ADGRA2: variants seen among roughly 807,000 people sequenced by gnomAD.
The protein encoded by ADGRA2 is adhesion G protein-coupled receptor A2.
In ADGRA2, 61 loss-of-function variants were observed where a neutral mutation model predicts 98.7. The observed-to-expected ratio is 0.62, with a 90% CI of 0.50 to 0.76. The LOEUF (loss-of-function observed/expected upper bound fraction) is 0.76. ADGRA2 is among the 30% of genes least tolerant of loss of function. ADGRA2 has a pLI of 0.00. For synonymous variants in ADGRA2, 858 were observed against 831.5 expected (o/e 1.03, Z -0.55); for missense variants, 1,712 against 1,860.0 (o/e 0.92, Z 1.46).
chr8:37,833,935 C>G, intron 10 of ADGRA2, 32 bp from the exon 11 acceptor site: 1 of 1,607,598 alleles, frequency 6.2e-7, no homozygotes, highest in Non-Finnish European at 8.5e-7. Context: ...CAAACCCCGC[C>G]CCTGCCCTCA....
In ADGRA2 at chr8:37,841,732, G is replaced by A; in HGVS notation, c.3394G>A (p.Gly1132Ser). ...CAGCAGCGGCCATCCGCTGGCTCTGGGCCCCTGCAAGCTCACCAACCTGCA... is the reference window on the plus strand; with the variant it reads ...CAGCAGCGGCCATCCGCTGGCTCTGAGCCCCTGCAAGCTCACCAACCTGCA... ...SGSSGHPLAL[G>S]PCKLTNLQLA... Residue 1132 changes from glycine to serine, a missense_variant, in exon 19 of 19, where the codon GGC becomes AGC. By Grantham distance (56) the Gly-to-Ser change is moderately conservative. Transcript: ENST00000412232. This position sits in a 1 kb window ranked among gnomAD's most constrained non-coding sequence, Gnocchi z 5.0. The A allele has an allele frequency of 6.5e-7, 1 of 1,542,282 alleles. No homozygotes were observed. The highest frequency in any genetic ancestry group is 1.2e-5 in the South Asian group (1 of 83,734).
rs1175806640 is a variant in ADGRA2 at position 37,841,645 on chromosome 8, G to A, written c.3307G>A (p.Ala1103Thr). 2 of 1,525,268 alleles carry A rather than the reference G, an allele frequency of 1.3e-6. No individual in the cohort carries two copies. Among genetic ancestry groups the A allele is most frequent in the Admixed American group, 2.1e-5 (1 of 46,994 alleles). 94.5% of individuals were successfully genotyped at this position (1,525,268 alleles called of 1,614,324 possible). ...HAPPRALPAAAEDGSPVFGEG... is the reference protein window; with the variant it reads ...HAPPRALPAATEDGSPVFGEG... ...CCCGCCCCGGGCCCTGCCCGCCGCC[G>A]CAGAGGACGGTTCCCCGGTGTTCGG... Residue 1103 changes from alanine to threonine, a missense_variant, in exon 19 of 19, where the codon GCA becomes ACA. Transcript: ENST00000412232. The surrounding 1 kb of genome is among the most constrained non-coding windows in gnomAD (Gnocchi z 5.0).
intron 1 of ADGRA2, among the ~76,000 whole-genome samples, chr8:37,800,492 A>G (rs1429291412): frequency 1.3e-5 from 2 of 152,170 alleles, no homozygotes; most frequent in Non-Finnish European, 2.9e-5. Context: ...AGGTATTAAG[A>G]CCATTGCCTT....
Position 37,842,471 on chromosome 8 carries a change from G to A in ADGRA2, c.*116G>A, listed in dbSNP as rs1483158681. 2.9e-6 allele frequency: 4 copies of A among 1,366,298 alleles called. No individual in the cohort carries two copies. Among genetic ancestry groups the A allele is most frequent in the Non-Finnish European group, 3.8e-6 (4 of 1,058,096 alleles). The allele number at this position is 1,366,298 out of a possible 1,614,324, so 84.6% of individuals were successfully genotyped here. A position where few individuals can be genotyped will look rare whatever the true frequency, so the allele number is the denominator to read the frequency against. On this transcript the variant is annotated 3_prime_UTR_variant, in exon 19 of 19. Transcript: ENST00000412232. The stretch of plus-strand genomic sequence containing the variant: ...TTGGAGGCAGAGGAGCCGATGGCTG[G>A]AGGAAGCCCACAGGCGGATGTTCCC...
rs752608565 is a variant in ADGRA2, at chr8:37,839,106, G to A, written c.2387+23G>A. 6 of 1,606,056 alleles carry A rather than the reference G, an allele frequency of 3.7e-6. No homozygotes were observed. In the Admixed American group the frequency reaches 1.0e-4, roughly 27 times the overall value. On this transcript the variant is annotated intron_variant, in intron 15 of 18. Coordinates refer to ENST00000412232, the MANE Select transcript of ADGRA2 (RefSeq NM_032777.10). ...CAGGTGGGTGCTCCTGCAGGAGGGA[G>A]GGCGTGGTGGGCAGGCATGGAAGGG...
chr8:37,831,006 GCC>G, intron 7 of ADGRA2, 83 bp downstream of exon 7: 1 of 974,246 alleles, frequency 1.0e-6, no homozygotes, highest in Non-Finnish European at 1.6e-6. Flanking sequence ...CAAAAGAGCT[GCC>G]CCCAGATGTG....
chr8:37,814,252 C>G lies in ADGRA2; in HGVS notation c.267-644C>G, dbSNP rs534850905. Among the ~76,000 whole-genome samples the G allele has an allele frequency of 6.6e-6, 1 of 152,232 alleles. No individual in the cohort carries two copies. Among genetic ancestry groups the G allele is most frequent in the East Asian group, 1.9e-4 (1 of 5,170 alleles). ...ACAAACGAATAAATAAACAGAACCCCGAGGCGCAGAGGCTGAGGCTGAGGC... is the reference window on the plus strand; with the variant it reads ...ACAAACGAATAAATAAACAGAACCCGGAGGCGCAGAGGCTGAGGCTGAGGC... On this transcript the variant is annotated intron_variant, in intron 1 of 18. Transcript: ENST00000412232. This position sits in a 1 kb window ranked among gnomAD's most constrained non-coding sequence, Gnocchi z 4.3.
At chr8:37,840,367 A>G (rs1312857010) in intron 17 of ADGRA2, 101 bp downstream of exon 17, 3 of 1,286,304 alleles carry the variant, frequency 2.3e-6, no homozygotes, top group Non-Finnish European at 3.3e-6. Flanking sequence ...GGTCCCTGGG[A>G]GATCACTCTC....
chr8:37,815,580 TG>T (rs1268227324), intron 2 of ADGRA2, among the ~76,000 whole-genome samples: 10 of 152,088 alleles, frequency 6.6e-5, no homozygotes, highest in South Asian at 4.1e-4. Flanking sequence ...CTGCATCTGG[TG>T]GGGCCAGTGT....
intron 1 of ADGRA2, among the ~76,000 whole-genome samples, chr8:37,804,118 C>CACACACACACACACACACAT (rs1804585383): frequency 2.7e-5 from 4 of 147,740 alleles, no homozygotes; most frequent in Middle Eastern, 3.5e-3. Flanking sequence ...CACACACACA[C>CACACACACACACACACACAT]ACACACACAC....
At position 37,804,151 on chromosome 8, in the gene ADGRA2, A is replaced by ACACACACG. The variant is rs1554522482; in HGVS notation, c.266+6618_266+6619insACACACGC. ...CACACACACACACACACACACACAC[A>ACACACACG]CGGCTCTTAGCCAGGCAGCTCTAAC... On this transcript the variant is annotated intron_variant, in intron 1 of 18. Coordinates refer to ENST00000412232, the MANE Select transcript of ADGRA2 (RefSeq NM_032777.10). Among the ~76,000 whole-genome samples, 6 of 148,488 alleles carry ACACACACG rather than the reference A, an allele frequency of 4.0e-5. No homozygotes were observed. The South Asian group carries it at 6.4e-4, about 16-fold the overall frequency.
chr8:37,841,654 G>C lies in ADGRA2; in HGVS notation c.3316G>C (p.Gly1106Arg), dbSNP rs779131291. ...PRALPAAAED[G>R]SPVFGEGPPS... Reference sequence around the variant, plus strand: ...GGCCCTGCCCGCCGCCGCAGAGGACGGTTCCCCGGTGTTCGGGGAGGGCCC... The same window carrying C: ...GGCCCTGCCCGCCGCCGCAGAGGACCGTTCCCCGGTGTTCGGGGAGGGCCC... The change falls in exon 19 of 19, where the codon GGT becomes CGT. Residue 1106 changes from glycine (G) to arginine (R), a missense_variant. Transcript: ENST00000412232. This position sits in a 1 kb window ranked among gnomAD's most constrained non-coding sequence, Gnocchi z 5.0. 2 of 1,525,008 alleles carry C rather than the reference G, an allele frequency of 1.3e-6. No individual in the cohort carries two copies. Among genetic ancestry groups the C allele is most frequent in the Admixed American group, 2.1e-5 (1 of 46,772 alleles). 94.5% of individuals were successfully genotyped at this position (1,525,008 alleles called of 1,614,324 possible).
chr8:37,842,117 C>T lies in ADGRA2; in HGVS notation c.3779C>T (p.Ala1260Val). 15 of 1,497,908 alleles carry T rather than the reference C, an allele frequency of 1.0e-5. No individual in the cohort carries two copies. The highest frequency in any genetic ancestry group is 1.3e-5 in the Non-Finnish European group (15 of 1,131,900). The allele number at this position is 1,497,908 out of a possible 1,614,324, so 92.8% of individuals were successfully genotyped here. A position where few individuals can be genotyped will look rare whatever the true frequency, so the allele number is the denominator to read the frequency against. The change falls in exon 19 of 19, where the codon GCC becomes GTC. Residue 1260 changes from alanine (A) to valine (V), a missense_variant. Ala to Val is a moderately conservative substitution (Grantham distance 64, BLOSUM62 0). Coordinates refer to ENST00000412232, the MANE Select transcript of ADGRA2 (RefSeq NM_032777.10). ...CCGTCCGAGGGCAGCGACACCAGCG[C>T]CGCGCCGCTTTCTGAGGCGGGCCGG... The part of the protein sequence containing the change: ...LTPSEGSDTS[A>V]APLSEAGRAG...
In ADGRA2 at chr8:37,800,131, C is replaced by T. The variant is rs547558564; in HGVS notation, c.266+2597C>T. ...TCCTCCCCATCAGGAAGGGTTACAG[C>T]CAACAGCCCTCTAACAACAACAAAA... On this transcript the variant is annotated intron_variant, in intron 1 of 18. Coordinates refer to ENST00000412232, the MANE Select transcript of ADGRA2 (RefSeq NM_032777.10). 2.0e-5 allele frequency among the ~76,000 whole-genome samples: 3 copies of T among 152,252 alleles called. No individual in the cohort carries two copies. The South Asian group carries it at 6.2e-4, about 32-fold the overall frequency.
Position 37,829,396 on chromosome 8 carries a change from T to C in ADGRA2, c.482+64T>C. The stretch of plus-strand genomic sequence containing the variant: ...GAAGAAGTGCATAGGAAGCAAAATG[T>C]GGCCCCCAACCCTTCCACATCCCAC... On this transcript the variant is annotated intron_variant, in intron 4 of 18. Coordinates refer to ENST00000412232, the MANE Select transcript of ADGRA2 (RefSeq NM_032777.10). 1.9e-6 allele frequency: 3 copies of C among 1,550,204 alleles called. No homozygotes were observed. In the South Asian group the frequency reaches 3.3e-5, roughly 17 times the overall value.
rs1805577574 is a variant in ADGRA2 at position 37,835,354 on chromosome 8, A to G, written c.1789A>G (p.Thr597Ala). 5.0e-6 allele frequency: 8 copies of G among 1,612,688 alleles called. No homozygotes were observed. In the East Asian group the frequency reaches 1.8e-4, roughly 36 times the overall value. The part of the protein sequence containing the change: ...PADQQLRFRC[T>A]TGRPNVSLSS... ...TGACCAGCAGCTCCGCTTCCGCTGC[A>G]CCACCGGGAGGCCCAATGTTTCTCT... Residue 597 changes from threonine (T) to alanine (A), a missense_variant, in exon 12 of 19, where the codon ACC becomes GCC. Thr to Ala is a moderately conservative substitution (Grantham distance 58). Coordinates refer to ENST00000412232, the MANE Select transcript of ADGRA2 (RefSeq NM_032777.10).
At chr8:37,815,191 C>T (rs1359483040) in intron 2 of ADGRA2, among the ~76,000 whole-genome samples, 3 of 152,172 alleles carry the variant, frequency 2.0e-5, no homozygotes, top group Non-Finnish European at 2.9e-5. Context: ...CCAGCCACGG[C>T]GAGAGAAGTG....
intron 2 of ADGRA2, among the ~76,000 whole-genome samples, chr8:37,815,808 C>T (rs532975387): frequency 1.3e-5 from 2 of 152,170 alleles, no homozygotes; most frequent in East Asian, 3.9e-4. Context: ...CCTGCTCCGT[C>T]GGTACAATCC....
Position 37,842,327 on chromosome 8 carries a change from G to T in ADGRA2, c.3989G>T (p.Gly1330Val). 2.0e-6 allele frequency: 3 copies of T among 1,518,994 alleles called. No individual in the cohort carries two copies. The highest frequency in any genetic ancestry group is 2.6e-6 in the Non-Finnish European group (3 of 1,138,260). The allele number at this position is 1,518,994 out of a possible 1,614,324, so 94.1% of individuals were successfully genotyped here. Residue 1330 changes from glycine (G) to valine (V), a missense_variant, in exon 19 of 19, where the codon GGA (glycine) becomes GTA (valine). Transcript: ENST00000412232. ...EVASGGCMKT[G>V]LWKSETTV is the part of the protein sequence containing the mutation. Reference sequence around the variant, plus strand: ...GCCAGCGGCGGCTGCATGAAGACCGGACTCTGGAAGAGCGAAACTACCGTC... The same window carrying T: ...GCCAGCGGCGGCTGCATGAAGACCGTACTCTGGAAGAGCGAAACTACCGTC...
Sources: allele counts gnomAD v4.1 joint callset (sites outside exome capture counted in the v4.1 genomes callset), GRCh38; gene constraint gnomAD v4.1.1; non-coding constraint Gnocchi (gnomAD v3.1); transcripts MANE v1.5; gene names NCBI Gene and HGNC (gene_info 2026-07-23, HGNC 2026-07-21).